USP34: variants seen among roughly 807,000 people sequenced by gnomAD.
USP34 encodes ubiquitin carboxyl-terminal hydrolase 34.
In USP34, 70 loss-of-function variants were observed where a neutral mutation model predicts 460.3. The observed-to-expected ratio is 0.15, with a 90% CI of 0.13 to 0.19. USP34 has a LOEUF of 0.19. Ranked by LOEUF, USP34 falls within the 10% of genes least tolerant of loss-of-function variation. The pLI, the probability that USP34 is intolerant of heterozygous loss-of-function variation, is 1.00. For synonymous variants in USP34, 1,647 were observed against 1,405.3 expected, an observed-to-expected ratio of 1.17 and a Z score of -3.85; for missense variants, 3,985 against 4,236.2, an observed-to-expected ratio of 0.94 and a Z score of 1.65.
chr2:61,350,180 T>G, intron 12 of USP34, 80 bp downstream of exon 12: 1 of 1,410,846 alleles, frequency 7.1e-7, no homozygotes, highest in Non-Finnish European at 9.6e-7. Flanking sequence ...AAGATTGAAC[T>G]GAATGTATTA....
intron 27 of USP34, among the ~76,000 whole-genome samples, chr2:61,310,187 C>G (rs1488121396): frequency 6.6e-6 from 1 of 152,110 alleles, no homozygotes; most frequent in Admixed American, 6.6e-5. Flanking sequence ...TTCATACACT[C>G]TACGCACAAT....
chr2:61,454,487 GGAGTTATA>G (rs1451312025), intron 1 of USP34, among the ~76,000 whole-genome samples: 1 of 152,058 alleles, frequency 6.6e-6, no homozygotes, highest in Admixed American at 6.6e-5. Flanking sequence ...CTGGATCCAT[GGAGTTATA>G]GAGAAAACTT....
intron 3 of USP34, among the ~76,000 whole-genome samples, chr2:61,404,695 A>G (rs1490182304): frequency 6.6e-6 from 1 of 152,210 alleles, no homozygotes; most frequent in Non-Finnish European, 1.5e-5. Context: ...TTCTCAAAGT[A>G]AATTCACCTG....
chr2:61,311,651 C>G lies in USP34; in HGVS notation c.3706G>C (p.Asp1236His). The G allele has an allele frequency of 6.2e-7, 1 of 1,613,320 alleles. No homozygotes were observed. Among genetic ancestry groups the G allele is most frequent in the Non-Finnish European group, 8.5e-7 (1 of 1,179,792 alleles). The stretch of plus-strand genomic sequence containing the variant: ...CAATGAGTTACTTCAGCCCTAAGAT[C>G]TGCTACCTGGTCACTAGGATACATT... ...IEMYPSDQVA[D>H]LRAEVTHWYE... Residue 1236 changes from aspartate to histidine, a missense_variant, in exon 27 of 80, where the codon GAT (aspartate) becomes CAT (histidine). Asp to His is a moderately conservative substitution (Grantham distance 81, BLOSUM62 -1). Transcript: ENST00000398571.
intron 15 of USP34, among the ~76,000 whole-genome samples, chr2:61,347,309 G>A (rs760612463): frequency 2.8e-4 from 43 of 152,276 alleles, no homozygotes; most frequent in Middle Eastern, 6.8e-3. Context: ...CTTATTACAT[G>A]TGTAAATGGC....
At chr2:61,325,302 C>T in intron 21 of USP34, 73 bp downstream of exon 21, 2 of 940,440 alleles carry the variant, frequency 2.1e-6, no homozygotes, top group African/African-American at 1.8e-5. Flanking sequence ...CTGCAGAAAT[C>T]AGAAGCAAAA....
chr2:61,220,662 G>A (rs1687536217), intron 66 of USP34, among the ~76,000 whole-genome samples: 1 of 152,054 alleles, frequency 6.6e-6, no homozygotes, highest in Non-Finnish European at 1.5e-5. Context: ...TATGTCACTG[G>A]TTTACAAAAT....
At chr2:61,210,699 G>C (rs1449271088) in intron 69 of USP34, among the ~76,000 whole-genome samples, 2 of 151,982 alleles carry the variant, frequency 1.3e-5, no homozygotes, top group African/African-American at 4.8e-5. Context: ...TTTTCAAGAA[G>C]AGTTAAGAAA....
intron 41 of USP34, among the ~76,000 whole-genome samples, chr2:61,275,579 T>A (rs146033228): frequency 6.9e-4 from 105 of 151,638 alleles, no homozygotes; most frequent in African/African-American, 2.3e-3. Context: ...GCTATGATTG[T>A]GCCCCTGCAC....
At chr2:61,326,225 G>A (rs146945624) in intron 20 of USP34, among the ~76,000 whole-genome samples, 1 of 151,964 alleles carries the variant, frequency 6.6e-6, no homozygotes, top group Non-Finnish European at 1.5e-5. Flanking sequence ...GGGCTGGAAG[G>A]GGGGCAGAGT....
intron 2 of USP34, among the ~76,000 whole-genome samples, chr2:61,417,758 T>C (rs1259066396): frequency 6.8e-6 from 1 of 146,464 alleles, no homozygotes; most frequent in African/African-American, 2.5e-5. Flanking sequence ...TTTTTTTTTT[T>C]TTTAGACAAA....
At chr2:61,464,149 T>C (rs890209719) in intron 1 of USP34, among the ~76,000 whole-genome samples, 1 of 152,054 alleles carries the variant, frequency 6.6e-6, no homozygotes, top group Non-Finnish European at 1.5e-5. Flanking sequence ...TGAAAATTAG[T>C]CTCGACTAAA....
chr2:61,275,966 C>G (rs1397072504), intron 41 of USP34, among the ~76,000 whole-genome samples: 2 of 152,034 alleles, frequency 1.3e-5, no homozygotes, highest in Admixed American at 1.3e-4. Context: ...AAAATACATG[C>G]AGCAAATATG....
intron 2 of USP34, among the ~76,000 whole-genome samples, chr2:61,406,435 A>G (rs773219235): frequency 3.5e-4 from 54 of 152,192 alleles, no homozygotes; most frequent in Non-Finnish European, 1.8e-4. Context: ...TCCAGTGTCA[A>G]GTACTCAATA....
intron 22 of USP34, among the ~76,000 whole-genome samples, chr2:61,318,661 AAAG>A (rs1436642879): frequency 2.6e-5 from 4 of 152,246 alleles, no homozygotes; most frequent in Non-Finnish European, 4.4e-5. Context: ...GGCATGTGGT[AAAG>A]AAGAAGAAAA....
chr2:61,315,152 A>G (rs773980178), intron 23 of USP34, among the ~76,000 whole-genome samples, 178 bp from the exon 24 acceptor site: 1 of 152,234 alleles, frequency 6.6e-6, no homozygotes, highest in Non-Finnish European at 1.5e-5. Flanking sequence ...TAGTTCTAAA[A>G]AATATTTATA....
At chr2:61,449,842 T>G (rs954822069) in intron 1 of USP34, among the ~76,000 whole-genome samples, 2 of 151,822 alleles carry the variant, frequency 1.3e-5, no homozygotes, top group African/African-American at 4.8e-5. Context: ...CTGAGGTGGG[T>G]GGATCACGAA....
At position 61,227,238 on chromosome 2, in the gene USP34, A is replaced by T. The variant is rs748225117; in HGVS notation, c.7444-20T>A. On this transcript the variant is annotated intron_variant, in intron 61 of 79. Coordinates refer to ENST00000398571, the MANE Select transcript of USP34 (RefSeq NM_014709.4). ...TTGAGGCTAAGTTGGAATAAAATTC[A>T]ATTTTAATACGGTAGTAGTTTTAAT... 4.5e-5 allele frequency: 71 copies of T among 1,592,390 alleles called. No homozygotes were observed. Among genetic ancestry groups the T allele is most frequent in the Non-Finnish European group, 6.0e-5 (70 of 1,168,338 alleles).
chr2:61,352,815 G>GGATGAAGAAACAAAGAT lies in USP34; in HGVS notation c.1252-2139_1252-2123dup, dbSNP rs1446077892. Reference sequence around the variant, plus strand: ...AGGACAAAGAGGAGGAGGACAAGGAGGATGAAGAAACAAAGATGACGAAGA... The same window carrying GGATGAAGAAACAAAGAT: ...AGGACAAAGAGGAGGAGGACAAGGAGGATGAAGAAACAAAGATGATGAAGAAACAAAGATGACGAAGA... On this transcript the variant is annotated intron_variant, in intron 10 of 79. Coordinates refer to ENST00000398571, the MANE Select transcript of USP34 (RefSeq NM_014709.4). Among the ~76,000 whole-genome samples, 317 of 152,088 alleles carry GGATGAAGAAACAAAGAT rather than the reference G, an allele frequency of 2.1e-3. 6 individuals are homozygous for GGATGAAGAAACAAAGAT. The East Asian group carries it at 0.051, about 25-fold the overall frequency.
Sources: gnomAD v4.1 joint callset for allele counts (sites outside exome capture counted in the v4.1 genomes callset) on GRCh38, gnomAD v4.1.1 for gene constraint, MANE v1.5 for transcripts, NCBI Gene and HGNC (gene_info 2026-07-23, HGNC 2026-07-21) for gene names.